UBE3D: variants seen among roughly 807,000 people sequenced by gnomAD.
The protein encoded by UBE3D is E3 ubiquitin-protein ligase E3D.
Under a neutral mutation model 49.6 loss-of-function variants are expected in UBE3D, and 48 were observed. The observed-to-expected ratio is 0.97, with a 90% CI of 0.77 to 1.23. The LOEUF is 1.23. Among genes scored for constraint, UBE3D ranks in the 50% most tolerant of loss-of-function variants. The pLI, the probability that UBE3D is intolerant of heterozygous loss-of-function variation, is 0.00. For synonymous variants in UBE3D, 189 were observed against 174.2 expected (o/e 1.08, Z -0.67); for missense variants, 452 against 468.4 (o/e 0.96, Z 0.32).
intron 9 of UBE3D, among the ~76,000 whole-genome samples, chr6:82,900,751 G>A (rs919880817): frequency 3.9e-5 from 6 of 152,126 alleles, no homozygotes; most frequent in African/African-American, 1.2e-4. Context: ...GTGCATGAGG[G>A]AATAATTCTG....
intron 5 of UBE3D, among the ~76,000 whole-genome samples, chr6:83,033,895 G>A (rs1488648367): frequency 6.6e-6 from 1 of 152,118 alleles, no homozygotes; most frequent in East Asian, 1.9e-4. Flanking sequence ...ACCATGTATA[G>A]ACAGTAAAGC....
At chr6:82,900,423 T>G (rs902774614) in intron 9 of UBE3D, among the ~76,000 whole-genome samples, 1 of 152,212 alleles carries the variant, frequency 6.6e-6, no homozygotes, top group Non-Finnish European at 1.5e-5. Flanking sequence ...GGAGGGGCCA[T>G]GAACCCCTAT....
chr6:82,927,811 A>T (rs1773870090), intron 9 of UBE3D, among the ~76,000 whole-genome samples: 1 of 151,566 alleles, frequency 6.6e-6, no homozygotes, highest in Admixed American at 6.6e-5. Context: ...GGCATCTCTG[A>T]ACAAAGACAA....
chr6:83,049,627 T>C, intron 3 of UBE3D: 2 of 320,178 alleles, frequency 6.2e-6, no homozygotes, highest in Non-Finnish European at 1.3e-5. Flanking sequence ...ATCTCATGTT[T>C]CCCAAGATCC....
At chr6:82,987,274 G>A (rs1006164673) in intron 8 of UBE3D, among the ~76,000 whole-genome samples, 2 of 152,080 alleles carry the variant, frequency 1.3e-5, no homozygotes, top group Non-Finnish European at 2.9e-5. Flanking sequence ...TCAGCTACTT[G>A]AAGTGCTGGG....
In UBE3D at chr6:82,945,502, T is replaced by C. The variant is rs114468282; in HGVS notation, c.1149+11810A>G. On this transcript the variant is annotated intron_variant, in intron 9 of 9. Transcript: ENST00000369747. ...TTAGATCACAACACCCAAGTCCTTT[T>C]GAATGCCTGGAAAGCCTTCCCAAGA... Among the ~76,000 whole-genome samples, 997 of 152,290 alleles carry C rather than the reference T, an allele frequency of 6.5e-3. 10 individuals are homozygous for C. Among genetic ancestry groups the C allele is most frequent in the African/African-American group, 0.023 (947 of 41,568 alleles).
intron 8 of UBE3D, chr6:83,017,184 G>C (rs1228205703): frequency 6.6e-6 from 1 of 152,060 alleles, no homozygotes; most frequent in Non-Finnish European, 1.5e-5. Context: ...TCAATTCATT[G>C]TCATGCCACA....
chr6:82,890,973 A>G (rs1361554163), downstream of UBE3D, among the ~76,000 whole-genome samples: 4 of 152,100 alleles, frequency 2.6e-5, no homozygotes, highest in Non-Finnish European at 2.9e-5. Flanking sequence ...ATTTATTCCA[A>G]TTTCCAACAT....
intron 5 of UBE3D, among the ~76,000 whole-genome samples, chr6:83,026,681 A>AGTT (rs1781484365): frequency 6.6e-6 from 1 of 152,060 alleles, no homozygotes; most frequent in Admixed American, 6.6e-5. Context: ...AACTTTATGA[A>AGTT]ATGCCTATGT....
At chr6:82,957,720 T>G (rs984734416) in intron 8 of UBE3D, among the ~76,000 whole-genome samples, 3 of 152,194 alleles carry the variant, frequency 2.0e-5, no homozygotes, top group African/African-American at 7.2e-5. Flanking sequence ...CTGTGGGACC[T>G]GCTGGGGGAA....
At chr6:83,046,681 T>TGGGGGGGG (rs1554211672) in intron 3 of UBE3D, among the ~76,000 whole-genome samples, 43 of 50,072 alleles carry the variant, frequency 8.6e-4, no homozygotes, top group Admixed American at 1.9e-3. Context: ...GCGGGGGGGG[T>TGGGGGGGG]GGGCGGTGGC....
At chr6:82,906,660 T>C (rs1772121884) in intron 9 of UBE3D, among the ~76,000 whole-genome samples, 1 of 152,190 alleles carries the variant, frequency 6.6e-6, no homozygotes, top group Non-Finnish European at 1.5e-5. Context: ...CCTTACTGCT[T>C]ACAAAGCACT....
chr6:82,881,344 A>C, the UBE3D span, among the ~76,000 whole-genome samples: 3 of 152,136 alleles, frequency 2.0e-5, no homozygotes, highest in African/African-American at 7.2e-5. Flanking sequence ...TAGGAATATG[A>C]GGGTGGGAAG....
chr6:82,887,341 A>G, the UBE3D span, among the ~76,000 whole-genome samples: 5 of 139,664 alleles, frequency 3.6e-5, no homozygotes, highest in East Asian at 8.6e-4. Flanking sequence ...AAAAAAAGGG[A>G]GAGAGAGAAA....
At chr6:82,928,355 G>A (rs1245422022) in intron 9 of UBE3D, among the ~76,000 whole-genome samples, 1 of 152,020 alleles carries the variant, frequency 6.6e-6, no homozygotes, top group Non-Finnish European at 1.5e-5. Flanking sequence ...TATTAATGTT[G>A]TTGTATGTAT....
intron 8 of UBE3D, among the ~76,000 whole-genome samples, chr6:83,006,208 G>C (rs1033201766): frequency 1.3e-5 from 2 of 152,108 alleles, no homozygotes; most frequent in African/African-American, 4.8e-5. Flanking sequence ...CTGAGTGACA[G>C]AGTGAGACTC....
At chr6:82,948,891 T>C (rs1775592114) in intron 9 of UBE3D, among the ~76,000 whole-genome samples, 1 of 152,000 alleles carries the variant, frequency 6.6e-6, no homozygotes, top group Non-Finnish European at 1.5e-5. Context: ...AAAAGCCATA[T>C]ATGATAGACC....
chr6:83,015,980 T>C (rs979427271), intron 8 of UBE3D, among the ~76,000 whole-genome samples: 8 of 152,164 alleles, frequency 5.3e-5, no homozygotes, highest in Non-Finnish European at 1.5e-5. Flanking sequence ...CACGTCCCCA[T>C]TCCAAGTTGC....
At chr6:83,019,171 T>C (rs766304347) in intron 7 of UBE3D, 35 bp from the exon 8 acceptor site, 5 of 1,579,202 alleles carry the variant, frequency 3.2e-6, no homozygotes, top group Non-Finnish European at 4.3e-6. Context: ...AGTATAAGAA[T>C]ATTGTCACCT....
Sources: gnomAD v4.1 joint callset for allele counts (sites outside exome capture counted in the v4.1 genomes callset) on GRCh38, gnomAD v4.1.1 for gene constraint, MANE v1.5 for transcripts, NCBI Gene and HGNC (gene_info 2026-07-23, HGNC 2026-07-21) for gene names.